The following ANKRD44 variants were observed in gnomAD, a reference collection of about 807,000 sequenced individuals.
ANKRD44 encodes ankyrin repeat domain 44, also known as serine/threonine-protein phosphatase 6 regulatory ankyrin repeat subunit B.
Under a neutral mutation model 116.0 loss-of-function variants are expected in ANKRD44, and 35 were observed. The observed-to-expected ratio is 0.30, with a 90% CI of 0.23 to 0.40. ANKRD44 has a LOEUF of 0.40. Among genes scored for constraint, ANKRD44 ranks in the 10% least tolerant of loss-of-function variants. The pLI is 1.00. For missense variants in ANKRD44, 1,014 were observed against 1,242.6 expected (o/e 0.82, Z 2.77); for synonymous variants, 435 against 461.8 (o/e 0.94, Z 0.74).
chr2:197,122,859 T>C (rs1048478031), intron 6 of ANKRD44, 67 bp from the exon 7 acceptor site: 2 of 1,553,614 alleles, frequency 1.3e-6, no homozygotes, highest in Admixed American at 1.8e-5. Flanking sequence ...TCATTTCACC[T>C]AAATTATCAA....
At chr2:197,180,812 G>T (rs577940949) in intron 2 of ANKRD44, among the ~76,000 whole-genome samples, 1 of 152,262 alleles carries the variant, frequency 6.6e-6, no homozygotes, top group African/African-American at 2.4e-5. Flanking sequence ...GCCATATTGA[G>T]TCCTTCTGGG....
At chr2:197,047,843 G>C (rs985599284) in intron 16 of ANKRD44, among the ~76,000 whole-genome samples, 1 of 152,012 alleles carries the variant, frequency 6.6e-6, no homozygotes, top group Non-Finnish European at 1.5e-5. Context: ...TCAGGAGGCG[G>C]AGGTTGCAGT....
intron 16 of ANKRD44, among the ~76,000 whole-genome samples, chr2:197,058,397 C>CTTT (rs34959135): frequency 9.1e-5 from 13 of 142,182 alleles, no homozygotes; most frequent in East Asian, 4.1e-4. Context: ...GGCTGTGAAT[C>CTTT]TTTTTTTTTT....
Position 197,099,860 on chromosome 2 carries a change from C to T in ANKRD44, c.1056G>A (p.Glu352=). 1.9e-6 allele frequency: 3 copies of T among 1,614,174 alleles called. No individual in the cohort carries two copies. The highest frequency in any genetic ancestry group is 1.1e-5 in the South Asian group (1 of 91,080). The change falls in exon 10 of 28, where the codon GAG becomes GAA. Residue 352 remains glutamate (E), a synonymous_variant. Coordinates refer to ENST00000282272, the MANE Select transcript of ANKRD44 (RefSeq NM_001195144.2). ...TGGTTATTAAGGTGTTAATCAAAAGCTCATGACCGTATCTTGCAGCCACAT... is the reference window on the plus strand; with the variant it reads ...TGGTTATTAAGGTGTTAATCAAAAGTTCATGACCGTATCTTGCAGCCACAT... ...PLHVAARYGH[E]LLINTLITSG... is the part of the protein sequence containing the mutation.
chr2:197,162,623 C>G (rs942973454), intron 2 of ANKRD44, among the ~76,000 whole-genome samples: 2 of 152,192 alleles, frequency 1.3e-5, no homozygotes, highest in Non-Finnish European at 1.5e-5. Flanking sequence ...TTTTGGGTCA[C>G]TCGAAAGTCT....
chr2:197,277,716 G>A (rs2083132354), intron 1 of ANKRD44, among the ~76,000 whole-genome samples: 1 of 152,124 alleles, frequency 6.6e-6, no homozygotes, highest in African/African-American at 2.4e-5. Flanking sequence ...GGGGTGGTAT[G>A]GAAGAGGTCC....
chr2:197,235,912 T>G (rs966309479), intron 1 of ANKRD44, among the ~76,000 whole-genome samples: 4 of 152,076 alleles, frequency 2.6e-5, no homozygotes, highest in Admixed American at 2.0e-4. Context: ...CCCTCAGCAT[T>G]GCGGTGAGGG....
At chr2:197,174,141 T>C (rs1306825350) in intron 2 of ANKRD44, among the ~76,000 whole-genome samples, 1 of 152,258 alleles carries the variant, frequency 6.6e-6, no homozygotes, top group Non-Finnish European at 1.5e-5. Flanking sequence ...ATCCCATTTT[T>C]CTAAGGTATA....
chr2:196,978,306 G>C (rs1396522720), intron 21 of ANKRD44, among the ~76,000 whole-genome samples: 1 of 152,096 alleles, frequency 6.6e-6, no homozygotes, highest in Non-Finnish European at 1.5e-5. Context: ...CACCATGATT[G>C]GAAGCTTCCT....
chr2:197,197,606 T>C (rs2080982392), intron 1 of ANKRD44, among the ~76,000 whole-genome samples: 1 of 150,548 alleles, frequency 6.6e-6, no homozygotes, highest in Non-Finnish European at 1.5e-5. Flanking sequence ...AATCCAGGAG[T>C]TCCAGACCAG....
At chr2:197,047,472 A>G (rs2077023170) in intron 16 of ANKRD44, among the ~76,000 whole-genome samples, 1 of 152,234 alleles carries the variant, frequency 6.6e-6, no homozygotes, top group African/African-American at 2.4e-5. Context: ...CATTTCACTA[A>G]TAACCACTAT....
intron 1 of ANKRD44, among the ~76,000 whole-genome samples, chr2:197,306,292 A>G (rs887374166): frequency 3.3e-5 from 5 of 152,182 alleles, no homozygotes; most frequent in Non-Finnish European, 5.9e-5. Context: ...CCAGGGTAGG[A>G]CAGTGTGCTA....
chr2:197,298,877 A>G (rs2083807203), intron 1 of ANKRD44, among the ~76,000 whole-genome samples: 1 of 152,012 alleles, frequency 6.6e-6, no homozygotes, highest in African/African-American at 2.4e-5. Flanking sequence ...TGATCGCACC[A>G]TTACACTCTA....
At chr2:197,222,715 C>T (rs2081612170) in intron 1 of ANKRD44, among the ~76,000 whole-genome samples, 1 of 152,136 alleles carries the variant, frequency 6.6e-6, no homozygotes, top group Admixed American at 6.6e-5. Flanking sequence ...CATCAGATTT[C>T]CTTCTCTTAA....
chr2:197,261,691 G>A (rs2105731639), intron 1 of ANKRD44, among the ~76,000 whole-genome samples: 1 of 152,222 alleles, frequency 6.6e-6, no homozygotes, highest in Non-Finnish European at 1.5e-5. Flanking sequence ...TGAGCCTTCT[G>A]AAAAGTGTTT....
At chr2:197,177,111 C>T (rs2080383591) in intron 2 of ANKRD44, among the ~76,000 whole-genome samples, 1 of 152,102 alleles carries the variant, frequency 6.6e-6, no homozygotes, top group Non-Finnish European at 1.5e-5. Flanking sequence ...TAAGAATAAT[C>T]TGGGTATGTG....
In ANKRD44 at chr2:196,987,164, A is replaced by G. The variant is rs573743545; in HGVS notation, c.*2427T>C. On this transcript the variant is annotated 3_prime_UTR_variant, in exon 28 of 28. Coordinates refer to ENST00000282272, the MANE Select transcript of ANKRD44 (RefSeq NM_001195144.2). ...CACTATCTTAAAATGCTTTTCCCCTATAATACTGACCTATGGTTTATAGTT... is the reference window on the plus strand; with the variant it reads ...CACTATCTTAAAATGCTTTTCCCCTGTAATACTGACCTATGGTTTATAGTT... The G allele has an allele frequency of 1.0e-6, 1 of 985,328 alleles. No individual in the cohort carries two copies. The highest frequency in any genetic ancestry group is 1.2e-6 in the Non-Finnish European group (1 of 829,820). The allele number at this position is 985,328 out of a possible 1,614,324, so 61.0% of individuals were successfully genotyped here. A position where few individuals can be genotyped will look rare whatever the true frequency, so the allele number is the denominator to read the frequency against.
intron 2 of ANKRD44, among the ~76,000 whole-genome samples, chr2:197,169,918 C>A (rs976994680): frequency 6.6e-6 from 1 of 151,956 alleles, no homozygotes; most frequent in African/African-American, 2.4e-5. Context: ...AGGCCAGGTA[C>A]GTGGTTCATG....
intron 2 of ANKRD44, among the ~76,000 whole-genome samples, chr2:197,184,352 T>C (rs977150304): frequency 6.6e-6 from 1 of 152,088 alleles, no homozygotes; most frequent in African/African-American, 2.4e-5. Context: ...TAAAAATCCT[T>C]CCATGGTGGC....
Sources: gnomAD v4.1 joint callset for allele counts (sites outside exome capture counted in the v4.1 genomes callset) on GRCh38, gnomAD v4.1.1 for gene constraint, MANE v1.5 for transcripts, NCBI Gene and HGNC (gene_info 2026-07-23, HGNC 2026-07-21) for gene names.